The following SLC10A2 variants were observed in gnomAD, a reference collection of about 807,000 sequenced individuals.
SLC10A2 encodes the protein ileal sodium/bile acid cotransporter.
A neutral mutation model predicts 27.1 loss-of-function variants in SLC10A2; 34 were observed. The observed-to-expected ratio is 1.26, with a 90% CI of 0.96 to 1.67. The LOEUF (loss-of-function observed/expected upper bound fraction) is 1.67, where lower values mean the gene tolerates loss of function less well. Among genes scored for constraint, SLC10A2 ranks in the 40% most tolerant of loss-of-function variants. The pLI, the probability that SLC10A2 is intolerant of heterozygous loss-of-function variation, is 0.00. For synonymous variants in SLC10A2, 205 were observed against 174.0 expected, an observed-to-expected ratio of 1.18 and a Z score of -1.40; for missense variants, 530 against 444.4, an observed-to-expected ratio of 1.19 and a Z score of -1.73.
Position 103,045,691 on chromosome 13 carries a change from T to C in SLC10A2, c.*442A>G, listed in dbSNP as rs1223507584. On this transcript the variant is annotated 3_prime_UTR_variant, in exon 6 of 6. Transcript: ENST00000245312. ...ATGTTCATGTCAATTTTTATAATCA[T>C]AAACACTGAAGAAAATCGTGACCAC... is the stretch of plus-strand genomic sequence containing the variant. 1 of 155,650 alleles carries C rather than the reference T, an allele frequency of 6.4e-6. No individual in the cohort carries two copies. Among genetic ancestry groups the C allele is most frequent in the Non-Finnish European group, 1.4e-5 (1 of 70,142 alleles). The allele number at this position is 155,650 out of a possible 1,614,324, so 9.6% of individuals were successfully genotyped here. A position where few individuals can be genotyped will look rare whatever the true frequency, so the allele number is the denominator to read the frequency against.
chr13:103,046,000 T>A lies in SLC10A2; in HGVS notation c.*133A>T. Reference sequence around the variant, plus strand: ...ACCAGTCACTTGGTACTGAAACCAATACATGAATTCCAATGAAATTCCAAT... The same window carrying A: ...ACCAGTCACTTGGTACTGAAACCAAAACATGAATTCCAATGAAATTCCAAT... On this transcript the variant is annotated 3_prime_UTR_variant, in exon 6 of 6. Transcript: ENST00000245312. 2 of 1,045,250 alleles carry A rather than the reference T, an allele frequency of 1.9e-6. No homozygotes were observed. Among genetic ancestry groups the A allele is most frequent in the South Asian group, 2.8e-5 (2 of 70,386 alleles). The allele number at this position is 1,045,250 out of a possible 1,614,324, so 64.7% of individuals were successfully genotyped here.
intron 1 of SLC10A2, among the ~76,000 whole-genome samples, chr13:103,063,591 G>C (rs1876190846): frequency 6.6e-6 from 1 of 152,188 alleles, no homozygotes; most frequent in Non-Finnish European, 1.5e-5. Context: ...TTACGCAATA[G>C]CTCAGGTTTT....
chr13:103,048,872 T>C (rs1037407567), intron 5 of SLC10A2, among the ~76,000 whole-genome samples: 1 of 152,262 alleles, frequency 6.6e-6, no homozygotes, highest in African/African-American at 2.4e-5. Context: ...GTTAGCCTGG[T>C]AAATTTTCTT....
intron 1 of SLC10A2, among the ~76,000 whole-genome samples, chr13:103,059,321 G>C (rs1876032636): frequency 6.6e-6 from 1 of 152,058 alleles, no homozygotes; most frequent in African/African-American, 2.4e-5. Flanking sequence ...TGTTTTCTTG[G>C]AATCTAATTA....
At position 103,058,286 on chromosome 13, in the gene SLC10A2, G is replaced by C. The variant is rs371460461; in HGVS notation, c.474C>G (p.Ile158Met). The change falls in exon 2 of 6, where the codon ATC becomes ATG. Residue 158 changes from isoleucine to methionine, a missense_variant. Ile to Met is a conservative substitution (Grantham distance 10). Coordinates refer to ENST00000245312, the MANE Select transcript of SLC10A2 (RefSeq NM_000452.3). ...YTKMWVDSGS[I>M]VIPYDNIGTS... ...TACCTATGTTATCATAGGGAATTACGATGCTCCCAGAGTCGACCCACATTT... is the reference window on the plus strand; with the variant it reads ...TACCTATGTTATCATAGGGAATTACCATGCTCCCAGAGTCGACCCACATTT... The C allele has an allele frequency of 6.2e-7, 1 of 1,603,466 alleles. No individual in the cohort carries two copies. The highest frequency in any genetic ancestry group is 8.5e-7 in the Non-Finnish European group (1 of 1,170,352).
At position 103,045,473 on chromosome 13, in the gene SLC10A2, G is replaced by A. The variant is rs181432610; in HGVS notation, c.*660C>T. 2.6e-5 allele frequency: 4 copies of A among 152,490 alleles called. No homozygotes were observed. Among genetic ancestry groups the A allele is most frequent in the East Asian group, 1.9e-4 (1 of 5,218 alleles). The allele number at this position is 152,490 out of a possible 1,614,324, so 9.4% of individuals were successfully genotyped here. A position where few individuals can be genotyped will look rare whatever the true frequency, so the allele number is the denominator to read the frequency against. On this transcript the variant is annotated 3_prime_UTR_variant, in exon 6 of 6. Transcript: ENST00000245312. ...ATGTACGATATCCCTGCTGAGTTAAGAGCCTGCATCCAATATGGTTATTGA... is the reference window on the plus strand; with the variant it reads ...ATGTACGATATCCCTGCTGAGTTAAAAGCCTGCATCCAATATGGTTATTGA...
In SLC10A2 at chr13:103,065,985, C is replaced by T; in HGVS notation, c.265G>A (p.Ala89Thr). The T allele has an allele frequency of 1.2e-6, 2 of 1,614,054 alleles. No individual in the cohort carries two copies. The highest frequency in any genetic ancestry group is 1.7e-6 in the Non-Finnish European group (2 of 1,179,962). The change falls in exon 1 of 6, where the codon GCC (alanine) becomes ACC (threonine). Residue 89 changes from alanine to threonine, a missense_variant. Coordinates refer to ENST00000245312, the MANE Select transcript of SLC10A2 (RefSeq NM_000452.3). ...MPLTGFILSV[A>T]FDILPLQAVV... is the part of the protein sequence containing the mutation. ...GCCTGGAGCGGGAGGATGTCAAAGG[C>T]CACCGACAGGATGAATCCTGTGAGG... is the stretch of plus-strand genomic sequence containing the variant.
At position 103,045,538 on chromosome 13, in the gene SLC10A2, G is replaced by C. The variant is rs1875583372; in HGVS notation, c.*595C>G. On this transcript the variant is annotated 3_prime_UTR_variant, in exon 6 of 6. Transcript: ENST00000245312. The stretch of plus-strand genomic sequence containing the variant: ...TAATTTCCTCTCATTTCTGCTTTTG[G>C]ACTGCCACTGGAGAAGGCAACTTTT... The C allele has an allele frequency of 6.6e-6, 1 of 152,322 alleles. No homozygotes were observed. The highest frequency in any genetic ancestry group is 2.4e-5 in the African/African-American group (1 of 41,402). 9.4% of individuals were successfully genotyped at this position (152,322 alleles called of 1,614,324 possible). A position where few individuals can be genotyped will look rare whatever the true frequency, so the allele number is the denominator to read the frequency against.
At chr13:103,053,639 T>G (rs2138916565) in intron 2 of SLC10A2, among the ~76,000 whole-genome samples, 1 of 152,320 alleles carries the variant, frequency 6.6e-6, no homozygotes, top group South Asian at 2.1e-4. Context: ...AGAGTGGATG[T>G]TGCTTAGTAT....
chr13:103,051,619 C>T (rs1309484517), intron 3 of SLC10A2, among the ~76,000 whole-genome samples, 187 bp from the exon 4 acceptor site: 1 of 152,196 alleles, frequency 6.6e-6, no homozygotes, highest in South Asian at 2.1e-4. Flanking sequence ...TTGTCCCATG[C>T]TTTAAGCTTT....
rs201822357 is a variant in SLC10A2, at chr13:103,049,304, C to G, written c.904G>C (p.Ala302Pro). ...IYSIFQLAFA[A>P]IFLGFYVAYK... The stretch of plus-strand genomic sequence containing the variant: ...GATTCCTTACATCCTAAGAATATTG[C>G]GGCAAAGGCGAGCTGGAAAATGCTG... The change falls in exon 5 of 6, where the codon GCA becomes CCA. Residue 302 changes from alanine to proline, a missense_variant. Physicochemically the swap from Ala to Pro is conservative, Grantham distance 27. Transcript: ENST00000245312. 4 of 1,613,470 alleles carry G rather than the reference C, an allele frequency of 2.5e-6. No homozygotes were observed. Among genetic ancestry groups the G allele is most frequent in the East Asian group, 2.2e-5 (1 of 44,836 alleles).
At chr13:103,062,308 C>A (rs1045381998) in intron 1 of SLC10A2, among the ~76,000 whole-genome samples, 1 of 152,148 alleles carries the variant, frequency 6.6e-6, no homozygotes, top group Non-Finnish European at 1.5e-5. Flanking sequence ...CTGGGTGATT[C>A]CAATTCTGAC....
Position 103,045,929 on chromosome 13 carries a change from T to C in SLC10A2, c.*204A>G, listed in dbSNP as rs2301158. On this transcript the variant is annotated 3_prime_UTR_variant, in exon 6 of 6. Coordinates refer to ENST00000245312, the MANE Select transcript of SLC10A2 (RefSeq NM_000452.3). ...AGTATACATACATATATAAAACATA[T>C]ACATATATATAGGAAACAATATTTG... 1 of 532,646 alleles carries C rather than the reference T, an allele frequency of 1.9e-6. No homozygotes were observed. Among genetic ancestry groups the C allele is most frequent in the Non-Finnish European group, 3.3e-6 (1 of 299,204 alleles). 33.0% of individuals were successfully genotyped at this position (532,646 alleles called of 1,614,324 possible).
At chr13:103,054,856 A>G (rs980411801) in intron 2 of SLC10A2, among the ~76,000 whole-genome samples, 1 of 151,856 alleles carries the variant, frequency 6.6e-6, no homozygotes, top group African/African-American at 2.4e-5. Flanking sequence ...TTCTTTCCCC[A>G]TGCTCTGTTT....
chr13:103,065,837 G>C (rs202062207), intron 1 of SLC10A2, 36 bp downstream of exon 1: 1 of 1,609,860 alleles, frequency 6.2e-7, no homozygotes, highest in South Asian at 1.1e-5. Flanking sequence ...ATTACTCCAA[G>C]GTGATTGCAG....
chr13:103,053,162 C>A (rs1337565744), intron 2 of SLC10A2, among the ~76,000 whole-genome samples: 2 of 148,498 alleles, frequency 1.3e-5, no homozygotes, highest in Non-Finnish European at 3.0e-5. Flanking sequence ...CATTTGTCTG[C>A]TAGTTCATGG....
At chr13:103,065,124 A>T (rs1200471000) in intron 1 of SLC10A2, among the ~76,000 whole-genome samples, 2 of 152,234 alleles carry the variant, frequency 1.3e-5, no homozygotes, top group South Asian at 2.1e-4. Flanking sequence ...TTTTAGCATT[A>T]AATTTCTCAA....
chr13:103,051,317 G>C lies in SLC10A2; in HGVS notation c.701C>G (p.Pro234Arg). The C allele has an allele frequency of 1.2e-6, 2 of 1,614,076 alleles. No homozygotes were observed. Among genetic ancestry groups the C allele is most frequent in the Non-Finnish European group, 1.7e-6 (2 of 1,180,008 alleles). ...PKLWIIGTIF[P>R]VAGYSLGFLL... ...AAACCCCAGGGAGTAACCCGCCACA[G>C]GAAATATTGTTCCTATAATCCACAG... Residue 234 changes from proline to arginine, a missense_variant, in exon 4 of 6, where the codon CCT becomes CGT. Transcript: ENST00000245312.
chr13:103,057,989 C>T (rs1029541819), intron 2 of SLC10A2, among the ~76,000 whole-genome samples: 1 of 152,126 alleles, frequency 6.6e-6, no homozygotes, highest in Admixed American at 6.5e-5. Flanking sequence ...GTCCCCAAAG[C>T]TTAAGCCTCC....
Sources: allele counts gnomAD v4.1 joint callset (sites outside exome capture counted in the v4.1 genomes callset), GRCh38; gene constraint gnomAD v4.1.1; transcripts MANE v1.5; gene names NCBI Gene and HGNC (gene_info 2026-07-23, HGNC 2026-07-21).